The following UBE2V1 variants were observed in gnomAD, a reference collection of about 807,000 sequenced individuals.
UBE2V1 encodes the protein ubiquitin-conjugating enzyme E2 variant 1.
UBE2V1 carries 15 observed loss-of-function variants against 19.6 expected under a neutral mutation model. The observed-to-expected ratio is 0.77, with a 90% CI of 0.51 to 1.18. The LOEUF (loss-of-function observed/expected upper bound fraction) is 1.18. Ranked by LOEUF, UBE2V1 falls within the 50% of genes most tolerant of loss-of-function variation. The pLI, the probability that UBE2V1 is intolerant of heterozygous loss-of-function variation, is 0.00. For missense variants in UBE2V1, 125 were observed against 184.8 expected, an observed-to-expected ratio of 0.68 and a Z score of 1.88; for synonymous variants, 60 against 60.7, an observed-to-expected ratio of 0.99 and a Z score of 0.05.
chr20:50,101,409 C>G (rs2147126112), intron 1 of UBE2V1, among the ~76,000 whole-genome samples: 1 of 142,580 alleles, frequency 7.0e-6, no homozygotes. Flanking sequence ...TTGAAGACCT[C>G]AAAGAACTTT....
At chr20:50,115,778 A>G (rs1356435892), upstream of UBE2V1, 1 of 504,348 alleles carries the variant, frequency 2.0e-6, no homozygotes, top group African/African-American at 2.0e-5. Flanking sequence ...AGAGATGAGA[A>G]AACTGAGACT....
intron 1 of UBE2V1, among the ~76,000 whole-genome samples, chr20:50,110,246 C>T (rs114175498): frequency 2.0e-5 from 3 of 152,186 alleles, no homozygotes; most frequent in Admixed American, 6.5e-5. Flanking sequence ...GGAAGTCACC[C>T]GTCATAACAT....
chr20:50,104,607 G>A (rs1384492744), intron 1 of UBE2V1, among the ~76,000 whole-genome samples: 2 of 127,368 alleles, frequency 1.6e-5, no homozygotes, highest in African/African-American at 3.1e-5. Context: ...GCAGTGAGCC[G>A]AGATTGCGCC....
chr20:50,082,990 G>A, intron 3 of UBE2V1, 76 bp from the exon 4 acceptor site: 1 of 1,574,536 alleles, frequency 6.4e-7, no homozygotes, highest in Non-Finnish European at 8.6e-7. Context: ...TTAAGCTAAG[G>A]TGCAAACTGG....
chr20:50,083,948 A>T (rs1423812269), intron 3 of UBE2V1, 181 bp downstream of exon 3: 1 of 929,228 alleles, frequency 1.1e-6, no homozygotes, highest in Admixed American at 3.4e-5. Flanking sequence ...TATATGAGTG[A>T]TCGCCAGATA....
At chr20:50,108,853 A>C in intron 1 of UBE2V1, 5 of 820,062 alleles carry the variant, frequency 6.1e-6, no homozygotes, top group Non-Finnish European at 7.4e-6. Flanking sequence ...AACAGTGGCC[A>C]GAGATGCTAT....
At chr20:50,106,541 G>GTAGA (rs1254640264) in intron 1 of UBE2V1, among the ~76,000 whole-genome samples, 1 of 152,136 alleles carries the variant, frequency 6.6e-6, no homozygotes, top group African/African-American at 2.4e-5. Flanking sequence ...AATTAAAATG[G>GTAGA]TAGAGCTGGC....
intron 1 of UBE2V1, among the ~76,000 whole-genome samples, chr20:50,110,020 C>A (rs2080650594): frequency 6.6e-6 from 1 of 152,246 alleles, no homozygotes; most frequent in Non-Finnish European, 1.5e-5. Flanking sequence ...GAAGACTAAT[C>A]TCTGCTGCCC....
In UBE2V1 at chr20:50,081,929, A is replaced by G; in HGVS notation, c.*839T>C. On this transcript the variant is annotated 3_prime_UTR_variant, in exon 4 of 4. Coordinates refer to ENST00000371674, the MANE Select transcript of UBE2V1 (RefSeq NM_001032288.3). ...CCAGGCTGGTGGAGAGTGAGTGAGTATGGTTCCAAAACTAAACAAGGGAGG... is the reference window on the plus strand; with the variant it reads ...CCAGGCTGGTGGAGAGTGAGTGAGTGTGGTTCCAAAACTAAACAAGGGAGG... 1 of 253,586 alleles carries G rather than the reference A, an allele frequency of 3.9e-6. No homozygotes were observed. Among genetic ancestry groups the G allele is most frequent in the Non-Finnish European group, 7.5e-6 (1 of 133,742 alleles). The allele number at this position is 253,586 out of a possible 1,614,324, so 15.7% of individuals were successfully genotyped here.
At chr20:50,094,064 T>TTA (rs201405769) in intron 2 of UBE2V1, among the ~76,000 whole-genome samples, 1 of 138,834 alleles carries the variant, frequency 7.2e-6, no homozygotes, top group Non-Finnish European at 1.5e-5. Context: ...ATTATGTATG[T>TTA]TATATATATA....
intron 2 of UBE2V1, 180 bp from the exon 3 acceptor site, chr20:50,084,434 C>T: frequency 9.1e-7 from 1 of 1,097,180 alleles, no homozygotes; most frequent in Non-Finnish European, 1.3e-6. Flanking sequence ...GTTTATATGA[C>T]TTCCGGGCCT....
chr20:50,090,536 A>T (rs1467858078), intron 2 of UBE2V1, among the ~76,000 whole-genome samples: 1 of 152,024 alleles, frequency 6.6e-6, no homozygotes, highest in Non-Finnish European at 1.5e-5. Context: ...GAAGGACATT[A>T]TGCTAAGTGA....
Position 50,082,476 on chromosome 20 carries a change from A to C in UBE2V1, c.*292T>G. On this transcript the variant is annotated 3_prime_UTR_variant, in exon 4 of 4. Transcript: ENST00000371674. ...ACAGTTGAGTTAGATGTGCCCCACC[A>C]GTTATGATGGGAATCAATTTAAATA... 2.9e-6 allele frequency: 1 copy of C among 344,456 alleles called. No homozygotes were observed. Among genetic ancestry groups the C allele is most frequent in the East Asian group, 6.8e-5 (1 of 14,772 alleles). 21.3% of individuals were successfully genotyped at this position (344,456 alleles called of 1,614,324 possible).
chr20:50,092,377 C>T (rs1479782514), intron 2 of UBE2V1, among the ~76,000 whole-genome samples: 1 of 152,000 alleles, frequency 6.6e-6, no homozygotes, highest in Non-Finnish European at 1.5e-5. Context: ...CAGTGCTCCT[C>T]GATGAGGGCC....
chr20:50,105,881 G>A (rs761137704), intron 1 of UBE2V1, among the ~76,000 whole-genome samples: 5 of 151,876 alleles, frequency 3.3e-5, no homozygotes, highest in Admixed American at 6.6e-5. Flanking sequence ...AGTGAGCTGC[G>A]ATCATGCCAC....
intron 2 of UBE2V1, among the ~76,000 whole-genome samples, chr20:50,093,718 G>A (rs369582841): frequency 3.2e-4 from 49 of 152,050 alleles, no homozygotes; most frequent in Non-Finnish European, 4.6e-4. Flanking sequence ...CCGGCAGGGC[G>A]CGATGGCTCA....
At chr20:50,099,042 G>C (rs1343109844) in intron 1 of UBE2V1, 27 of 902,316 alleles carry the variant, frequency 3.0e-5, no homozygotes, top group African/African-American at 3.6e-5. Flanking sequence ...TGTTCAGAAA[G>C]GGTTCAATCT....
At chr20:50,113,347 A>C, upstream of UBE2V1, 40 of 365,714 alleles carry the variant, frequency 1.1e-4, no homozygotes, top group East Asian at 4.1e-4. Context: ...GTCCCCACAC[A>C]TCGGGTGCGA....
chr20:50,100,005 G>C (rs1293983459), intron 1 of UBE2V1, among the ~76,000 whole-genome samples: 1 of 152,210 alleles, frequency 6.6e-6, no homozygotes, highest in African/African-American at 2.4e-5. Context: ...GGCTGAGAGG[G>C]GAGGGTCACT....
Sources: gnomAD v4.1 joint callset for allele counts (sites outside exome capture counted in the v4.1 genomes callset) on GRCh38, gnomAD v4.1.1 for gene constraint, MANE v1.5 for transcripts, NCBI Gene and HGNC (gene_info 2026-07-23, HGNC 2026-07-21) for gene names.